Variants in TSPAN18 observed in about 807,000 individuals in gnomAD.
TSPAN18 encodes the protein tetraspanin-18.
Under a neutral mutation model 27.3 loss-of-function variants are expected in TSPAN18, and 14 were observed. The observed-to-expected ratio is 0.51, with a 90% confidence interval of 0.34 to 0.80. The LOEUF is 0.80. Ranked by LOEUF, TSPAN18 falls within the 30% of genes least tolerant of loss-of-function variation. The pLI is 0.01. For missense variants in TSPAN18, 268 were observed against 323.9 expected, an observed-to-expected ratio of 0.83 and a Z score of 1.32; for synonymous variants, 143 against 136.5, an observed-to-expected ratio of 1.05 and a Z score of -0.33.
intron 2 of TSPAN18, among the ~76,000 whole-genome samples, chr11:44,837,457 G>A (rs1857286690): frequency 6.6e-6 from 1 of 152,348 alleles, no homozygotes; most frequent in East Asian, 1.9e-4. Flanking sequence ...TCCTGGTAAA[G>A]TTGCTTTAAA....
At chr11:44,924,626 C>T (rs538769884) in intron 8 of TSPAN18, among the ~76,000 whole-genome samples, 1 of 152,262 alleles carries the variant, frequency 6.6e-6, no homozygotes, top group Admixed American at 6.5e-5. Flanking sequence ...GCCGAGGCAT[C>T]CCCTGCCAGG....
At chr11:44,810,058 C>T (rs543607342) in intron 2 of TSPAN18, among the ~76,000 whole-genome samples, 1 of 152,114 alleles carries the variant, frequency 6.6e-6, no homozygotes, top group South Asian at 2.1e-4. Flanking sequence ...GCCTTCATCC[C>T]GTATTACCCG....
intron 5 of TSPAN18, 139 bp downstream of exon 5, chr11:44,910,038 C>T (rs1859650314): frequency 9.6e-7 from 1 of 1,045,716 alleles, no homozygotes; most frequent in Non-Finnish European, 1.3e-6. Flanking sequence ...CAGAAGGGAT[C>T]ATGGAGATGA....
At chr11:44,810,853 C>T (rs901364497) in intron 2 of TSPAN18, among the ~76,000 whole-genome samples, 2 of 152,062 alleles carry the variant, frequency 1.3e-5, no homozygotes, top group Non-Finnish European at 2.9e-5. Context: ...AAGTGATCTG[C>T]CCGCCGTGGC....
At chr11:44,903,805 T>TG in intron 3 of TSPAN18, 2 of 410,196 alleles carry the variant, frequency 4.9e-6, no homozygotes, top group Non-Finnish European at 1.0e-5. Context: ...CAAGCTGGAT[T>TG]GCCTGGGTTC....
intron 3 of TSPAN18, among the ~76,000 whole-genome samples, chr11:44,893,981 G>A (rs572383029): frequency 6.6e-6 from 1 of 152,258 alleles, no homozygotes; most frequent in African/African-American, 2.4e-5. Flanking sequence ...CTCCAAGTAG[G>A]GACTGCGGTG....
rs765084802 is a variant in TSPAN18 at position 44,930,972 on chromosome 11, C to A, written c.*1794C>A. On this transcript the variant is annotated 3_prime_UTR_variant, in exon 10 of 10. Coordinates refer to ENST00000520358, the MANE Select transcript of TSPAN18 (RefSeq NM_130783.5). ...CACTCGGAGCCACAGCCTAGAGCCC[C>A]GTGTTCCCTGGCCTGTGCGTCTGCC... 6.1e-6 allele frequency: 3 copies of A among 489,924 alleles called. No homozygotes were observed. Among genetic ancestry groups the A allele is most frequent in the African/African-American group, 3.9e-5 (2 of 50,832 alleles). The allele number at this position is 489,924 out of a possible 1,614,324, so 30.3% of individuals were successfully genotyped here.
chr11:44,790,289 ATGTGCATGTGTG>A (rs1479346124), intron 2 of TSPAN18, among the ~76,000 whole-genome samples: 8 of 135,854 alleles, frequency 5.9e-5, no homozygotes, highest in African/African-American at 1.7e-4. Flanking sequence ...GTGTTCGTGT[ATGTGCATGTGTG>A]TGTGCATGTG....
At chr11:44,926,438 G>C (rs1258225478) in intron 8 of TSPAN18, 6 of 544,966 alleles carry the variant, frequency 1.1e-5, no homozygotes, top group African/African-American at 9.5e-5. Context: ...CACGCTGTCA[G>C]TTCTCTGTCC....
chr11:44,827,962 G>A (rs1433959350), intron 2 of TSPAN18, among the ~76,000 whole-genome samples: 1 of 152,202 alleles, frequency 6.6e-6, no homozygotes, highest in East Asian at 1.9e-4. Context: ...GCAGGCTGTA[G>A]ACTCCCACCT....
intron 1 of TSPAN18, among the ~76,000 whole-genome samples, chr11:44,734,121 T>G (rs911985910): frequency 1.3e-4 from 20 of 152,168 alleles, no homozygotes; most frequent in Admixed American, 2.6e-4. Context: ...TCTCTGCACA[T>G]GCCAGCTCCC....
intron 2 of TSPAN18, among the ~76,000 whole-genome samples, chr11:44,791,812 C>T (rs1262826671): frequency 6.6e-6 from 1 of 152,248 alleles, no homozygotes; most frequent in Non-Finnish European, 1.5e-5. Flanking sequence ...GGCACCCTCA[C>T]TTCTTGGCTA....
At chr11:44,814,258 A>G (rs2135105716) in intron 2 of TSPAN18, among the ~76,000 whole-genome samples, 1 of 152,088 alleles carries the variant, frequency 6.6e-6, no homozygotes, top group East Asian at 1.9e-4. Context: ...TAAGATAACA[A>G]TCATCCCTTA....
chr11:44,878,803 G>A (rs890274780), intron 3 of TSPAN18, among the ~76,000 whole-genome samples: 25 of 152,200 alleles, frequency 1.6e-4, no homozygotes, highest in Non-Finnish European at 2.4e-4. Context: ...CCACTCTTGT[G>A]TCTGGGCTGG....
intron 7 of TSPAN18, among the ~76,000 whole-genome samples, 198 bp downstream of exon 7, chr11:44,919,510 T>C (rs1860044362): frequency 6.6e-6 from 1 of 152,192 alleles, no homozygotes; most frequent in Non-Finnish European, 1.5e-5. Flanking sequence ...ACCTGTTTGC[T>C]CTCCCTGTCT....
In TSPAN18 at chr11:44,914,168, G is replaced by A. The variant is rs143424159; in HGVS notation, c.259-3804G>A. 1.7e-4 allele frequency among the ~76,000 whole-genome samples: 26 copies of A among 152,360 alleles called. No homozygotes were observed. In the East Asian group the frequency reaches 4.8e-3, roughly 28 times the overall value. On this transcript the variant is annotated intron_variant, in intron 5 of 9. Transcript: ENST00000520358. ...GAAACTCCATGAAGATGGGGACTGA[G>A]TCTGCCTTGTATGCATTTATTTGCC...
At chr11:44,775,330 G>A (rs955494211) in intron 2 of TSPAN18, among the ~76,000 whole-genome samples, 5 of 152,198 alleles carry the variant, frequency 3.3e-5, no homozygotes, top group Non-Finnish European at 7.3e-5. Flanking sequence ...CGTACCTGGA[G>A]TATCTTTTTG....
chr11:44,886,862 A>AGT (rs1055788176), intron 3 of TSPAN18, among the ~76,000 whole-genome samples: 4 of 151,934 alleles, frequency 2.6e-5, no homozygotes, highest in South Asian at 2.1e-4. Context: ...TGTGCACATA[A>AGT]GTGTGTGTGT....
At chr11:44,822,425 G>A (rs1243319669) in intron 2 of TSPAN18, among the ~76,000 whole-genome samples, 4 of 151,980 alleles carry the variant, frequency 2.6e-5, no homozygotes, top group African/African-American at 9.7e-5. Context: ...TGGGTCCCAG[G>A]TTTCTTCCAT....
Sources: gnomAD v4.1 joint callset for allele counts (sites outside exome capture counted in the v4.1 genomes callset) on GRCh38, gnomAD v4.1.1 for gene constraint, MANE v1.5 for transcripts, NCBI Gene and HGNC (gene_info 2026-07-23, HGNC 2026-07-21) for gene names.